Variants in WDR27 observed in about 807,000 individuals in gnomAD.
WDR27 encodes the protein WD repeat-containing protein 27.
Under a neutral mutation model 114.4 loss-of-function variants are expected in WDR27, and 100 were observed. That is an observed-to-expected ratio of 0.87 (90% CI 0.74 to 1.03). The LOEUF (loss-of-function observed/expected upper bound fraction) is 1.03. Among genes scored for constraint, WDR27 ranks in the 50% least tolerant of loss-of-function variants. WDR27 has a pLI of 0.00. For missense variants in WDR27, 1,129 were observed against 1,092.9 expected, an observed-to-expected ratio of 1.03 and a Z score of -0.47; for synonymous variants, 449 against 423.1, an observed-to-expected ratio of 1.06 and a Z score of -0.75.
intron 25 of WDR27, among the ~76,000 whole-genome samples, chr6:169,469,051 A>C (rs560126995): frequency 6.6e-6 from 1 of 152,320 alleles, no homozygotes; most frequent in South Asian, 2.1e-4. Context: ...GCCTATATCC[A>C]AACACAGTCA....
At chr6:169,665,294 CA>C (rs1005905085) in intron 7 of WDR27, 191 bp downstream of exon 7, 2 of 1,356,226 alleles carry the variant, frequency 1.5e-6, no homozygotes, top group African/African-American at 3.0e-5. Flanking sequence ...CTCCGCAGAC[CA>C]GGGGGCCCAG....
intron 25 of WDR27, among the ~76,000 whole-genome samples, chr6:169,489,982 G>A (rs1789533836): frequency 6.6e-6 from 1 of 152,184 alleles, no homozygotes; most frequent in South Asian, 2.1e-4. Flanking sequence ...GGGTGTGCAG[G>A]GCATTCACAC....
the WDR27 span, among the ~76,000 whole-genome samples, chr6:169,429,344 C>T: frequency 1.3e-5 from 2 of 151,844 alleles, no homozygotes; most frequent in East Asian, 1.9e-4. Flanking sequence ...AGGAGCCCAC[C>T]GGATGGCTTC....
intron 25 of WDR27, among the ~76,000 whole-genome samples, chr6:169,458,552 A>T (rs1481637778): frequency 1.3e-5 from 2 of 152,214 alleles, no homozygotes; most frequent in Non-Finnish European, 2.9e-5. Flanking sequence ...GTGACTGTGG[A>T]GTCCAAGGTG....
chr6:169,477,849 T>A (rs933984488), intron 25 of WDR27, among the ~76,000 whole-genome samples: 2 of 152,342 alleles, frequency 1.3e-5, no homozygotes, highest in African/African-American at 4.8e-5. Context: ...TGTTCATGAA[T>A]GTTTCTAGCA....
chr6:169,481,167 C>T (rs1284509452), intron 25 of WDR27, among the ~76,000 whole-genome samples: 4 of 152,070 alleles, frequency 2.6e-5, no homozygotes, highest in African/African-American at 9.7e-5. Context: ...CCAATCAGTG[C>T]TCTGTGTCTA....
intron 25 of WDR27, among the ~76,000 whole-genome samples, chr6:169,566,970 A>G (rs1800601886): frequency 1.3e-5 from 2 of 152,156 alleles, no homozygotes; most frequent in Non-Finnish European, 2.9e-5. Flanking sequence ...GCCAGGGCAG[A>G]GGGGAGGCAT....
intron 2 of WDR27, among the ~76,000 whole-genome samples, chr6:169,680,316 C>T (rs1367507633): frequency 6.6e-6 from 1 of 152,216 alleles, no homozygotes; most frequent in African/African-American, 2.4e-5. Context: ...GGCGCAGTGG[C>T]TCACGCCTGT....
At chr6:169,667,329 A>T in intron 5 of WDR27, 142 bp from the exon 6 acceptor site, 1 of 1,239,698 alleles carries the variant, frequency 8.1e-7, no homozygotes, top group South Asian at 4.0e-5. Context: ...GAGCACAAAA[A>T]TAATAAAAAT....
chr6:169,699,182 G>T (rs1157404193), intron 1 of WDR27, among the ~76,000 whole-genome samples: 2 of 152,170 alleles, frequency 1.3e-5, no homozygotes, highest in African/African-American at 2.4e-5. Flanking sequence ...TAGAGAACTG[G>T]CTGGTGTGCA....
intron 23 of WDR27, among the ~76,000 whole-genome samples, chr6:169,583,879 C>G (rs1804052266): frequency 6.6e-6 from 1 of 152,030 alleles, no homozygotes; most frequent in African/African-American, 2.4e-5. Flanking sequence ...GAGGTGGACT[C>G]TCATATCTAT....
intron 25 of WDR27, among the ~76,000 whole-genome samples, chr6:169,525,190 A>T (rs1406438758): frequency 6.6e-6 from 1 of 152,154 alleles, no homozygotes; most frequent in Non-Finnish European, 1.5e-5. Flanking sequence ...ATCACTTATC[A>T]TCAGATAAAT....
chr6:169,453,571 A>G (rs1351647001), downstream of WDR27, among the ~76,000 whole-genome samples: 4 of 152,064 alleles, frequency 2.6e-5, no homozygotes, highest in Admixed American at 2.0e-4. Flanking sequence ...TGACAGTTCA[A>G]TTTTCTCTTC....
chr6:169,507,789 CTT>C (rs1792197855), intron 25 of WDR27, among the ~76,000 whole-genome samples: 1 of 152,204 alleles, frequency 6.6e-6, no homozygotes, highest in Admixed American at 6.5e-5. Context: ...GACACATCCT[CTT>C]GAGTACATAT....
At chr6:169,534,749 C>T (rs958165069) in intron 25 of WDR27, among the ~76,000 whole-genome samples, 7 of 151,558 alleles carry the variant, frequency 4.6e-5, no homozygotes, top group South Asian at 2.1e-4. Context: ...CTCTTTTGTT[C>T]CTGATTTTAG....
chr6:169,550,579 T>G (rs1797969522), intron 25 of WDR27, among the ~76,000 whole-genome samples: 1 of 150,624 alleles, frequency 6.6e-6, no homozygotes, highest in Non-Finnish European at 1.5e-5. Flanking sequence ...GCCACCATAC[T>G]CAGGCTAGTT....
At chr6:169,487,479 C>T (rs1789087524) in intron 25 of WDR27, among the ~76,000 whole-genome samples, 1 of 152,142 alleles carries the variant, frequency 6.6e-6, no homozygotes, top group Non-Finnish European at 1.5e-5. Flanking sequence ...TATTCAGACA[C>T]TGTGGGCCTC....
chr6:169,623,821 A>G (rs186217882), intron 21 of WDR27, among the ~76,000 whole-genome samples: 51 of 152,254 alleles, frequency 3.3e-4, no homozygotes, highest in African/African-American at 1.2e-3. Flanking sequence ...ACTCCTCCCA[A>G]CGGCTACTCA....
chr6:169,576,204 CA>C (rs2128132928), intron 24 of WDR27, among the ~76,000 whole-genome samples: 1 of 152,358 alleles, frequency 6.6e-6, no homozygotes, highest in South Asian at 2.1e-4. Flanking sequence ...CACCCACCCT[CA>C]GGGGACTCAC....
Sources: allele counts gnomAD v4.1 joint callset (sites outside exome capture counted in the v4.1 genomes callset), GRCh38; gene constraint gnomAD v4.1.1; transcripts MANE v1.5; gene names NCBI Gene and HGNC (gene_info 2026-07-23, HGNC 2026-07-21).